The following CCSER1 variants were observed in gnomAD, a reference collection of about 807,000 sequenced individuals.
CCSER1 encodes the protein coiled-coil serine rich protein 1, also known as serine-rich coiled-coil domain-containing protein 1.
A neutral mutation model predicts 82.0 loss-of-function variants in CCSER1; 41 were observed. That is an observed-to-expected ratio of 0.50 (90% CI 0.39 to 0.65). CCSER1 has a LOEUF of 0.65. CCSER1 is among the 30% of genes least tolerant of loss of function. The pLI, the probability that CCSER1 is intolerant of heterozygous loss-of-function variation, is 0.00. For synonymous variants in CCSER1, 414 were observed against 383.9 expected, an observed-to-expected ratio of 1.08 and a Z score of -0.92; for missense variants, 1,119 against 1,064.2, an observed-to-expected ratio of 1.05 and a Z score of -0.72.
chr4:90,893,792 T>TGTGGG (rs34693713), intron 8 of CCSER1, among the ~76,000 whole-genome samples: 22 of 145,330 alleles, frequency 1.5e-4, no homozygotes, highest in Admixed American at 2.7e-4. Flanking sequence ...TGTGTGTGTG[T>TGTGGG]GGGGGGTGAA....
intron 7 of CCSER1, among the ~76,000 whole-genome samples, chr4:90,747,926 G>C (rs1747793649): frequency 6.6e-6 from 1 of 151,200 alleles, no homozygotes; most frequent in Admixed American, 6.6e-5. Context: ...TCTTGCAGTA[G>C]TTTACTGAGA....
chr4:91,297,708 G>A (rs912602498), intron 10 of CCSER1, among the ~76,000 whole-genome samples: 1 of 151,896 alleles, frequency 6.6e-6, no homozygotes, highest in East Asian at 2.0e-4. Context: ...GAAAACTTTT[G>A]ATCATGTGGT....
intron 9 of CCSER1, among the ~76,000 whole-genome samples, chr4:91,031,046 A>G (rs2150554582): frequency 6.6e-6 from 1 of 152,318 alleles, no homozygotes; most frequent in African/African-American, 2.4e-5. Context: ...GAAAATGAGA[A>G]GCAAAAGCAT....
chr4:91,512,799 TG>T (rs1425927777), intron 10 of CCSER1, among the ~76,000 whole-genome samples: 7 of 152,220 alleles, frequency 4.6e-5, no homozygotes, highest in Non-Finnish European at 8.8e-5. Context: ...TACCTATTTT[TG>T]TACATTGATT....
chr4:90,761,853 C>T (rs770460435), intron 7 of CCSER1, among the ~76,000 whole-genome samples: 1 of 151,618 alleles, frequency 6.6e-6, no homozygotes, highest in African/African-American at 2.4e-5. Flanking sequence ...TGCAAATGGC[C>T]AAAGTGAGAA....
chr4:90,966,406 T>A (rs978580611), intron 9 of CCSER1, among the ~76,000 whole-genome samples: 1 of 152,062 alleles, frequency 6.6e-6, no homozygotes, highest in African/African-American at 2.4e-5. Flanking sequence ...TGACTTCTTA[T>A]CAAAAGCAGG....
intron 1 of CCSER1, among the ~76,000 whole-genome samples, chr4:90,305,461 TGTAA>T (rs1221033014): frequency 1.3e-5 from 2 of 152,164 alleles, no homozygotes; most frequent in East Asian, 3.9e-4. Context: ...ATATCGTGGC[TGTAA>T]GTGATGTTAG....
intron 9 of CCSER1, among the ~76,000 whole-genome samples, chr4:90,968,470 G>C (rs994044944): frequency 2.6e-5 from 4 of 151,988 alleles, no homozygotes; most frequent in African/African-American, 7.3e-5. Flanking sequence ...TGCTGGACTG[G>C]GAGAAAGCAC....
intron 10 of CCSER1, among the ~76,000 whole-genome samples, chr4:91,160,189 T>A (rs1271023276): frequency 6.6e-6 from 1 of 152,168 alleles, no homozygotes; most frequent in Non-Finnish European, 1.5e-5. Context: ...AATGATGGTT[T>A]CCAGCTTCAT....
At chr4:90,736,512 T>G (rs1745670439) in intron 7 of CCSER1, among the ~76,000 whole-genome samples, 1 of 152,226 alleles carries the variant, frequency 6.6e-6, no homozygotes, top group East Asian at 1.9e-4. Context: ...TTTTCTGATA[T>G]AAGTATAGCT....
At chr4:90,974,108 A>G (rs558897350) in intron 9 of CCSER1, among the ~76,000 whole-genome samples, 10 of 151,692 alleles carry the variant, frequency 6.6e-5, no homozygotes, top group Admixed American at 1.3e-4. Flanking sequence ...AGCTTTAGTT[A>G]TGCAGGATAA....
chr4:91,293,579 G>C (rs1337665492), intron 10 of CCSER1, among the ~76,000 whole-genome samples: 3 of 151,880 alleles, frequency 2.0e-5, no homozygotes, highest in African/African-American at 7.2e-5. Context: ...GAACATTGAG[G>C]TTATTCTATA....
chr4:90,547,803 T>C (rs551958664), intron 5 of CCSER1, among the ~76,000 whole-genome samples: 3 of 152,306 alleles, frequency 2.0e-5, no homozygotes, highest in East Asian at 1.9e-4. Flanking sequence ...AATTTTTTTG[T>C]ACCTTTACAA....
Position 90,269,057 on chromosome 4 carries a change from T to C in CCSER1, c.-41-39187T>C, listed in dbSNP as rs537396797. On this transcript the variant is annotated intron_variant, in intron 1 of 10. Coordinates refer to ENST00000509176, the MANE Select transcript of CCSER1 (RefSeq NM_001145065.2). Reference sequence around the variant, plus strand: ...GTACCCAGATATGTAAGGCAGATGTTAGAGCTAAAGAGAGAGGTAGATCAA... The same window carrying C: ...GTACCCAGATATGTAAGGCAGATGTCAGAGCTAAAGAGAGAGGTAGATCAA... Among the ~76,000 whole-genome samples, 5 of 152,234 alleles carry C rather than the reference T, an allele frequency of 3.3e-5. No homozygotes were observed. In the South Asian group the frequency reaches 8.3e-4, roughly 25 times the overall value.
chr4:90,815,123 G>C (rs1002077951), intron 7 of CCSER1, among the ~76,000 whole-genome samples: 2 of 152,122 alleles, frequency 1.3e-5, no homozygotes, highest in African/African-American at 4.8e-5. Flanking sequence ...CAATCATGGT[G>C]GAAGGCTAAT....
At chr4:91,313,300 G>A (rs1745619009) in intron 10 of CCSER1, among the ~76,000 whole-genome samples, 1 of 151,712 alleles carries the variant, frequency 6.6e-6, no homozygotes, top group Non-Finnish European at 1.5e-5. Context: ...TTTTTGATGT[G>A]TTAAATACTT....
chr4:91,076,184 T>A (rs1417387378), intron 9 of CCSER1, among the ~76,000 whole-genome samples: 1 of 152,152 alleles, frequency 6.6e-6, no homozygotes, highest in Non-Finnish European at 1.5e-5. Flanking sequence ...ATTCTTGTCA[T>A]CAGATATACT....
chr4:91,525,908 A>G (rs1443538536), intron 10 of CCSER1, among the ~76,000 whole-genome samples: 3 of 152,162 alleles, frequency 2.0e-5, no homozygotes, highest in Non-Finnish European at 2.9e-5. Context: ...TCAGGCCACA[A>G]GGGGAAGTGG....
chr4:90,630,617 G>A (rs921648828), intron 6 of CCSER1, among the ~76,000 whole-genome samples: 2 of 151,892 alleles, frequency 1.3e-5, no homozygotes, highest in Non-Finnish European at 2.9e-5. Flanking sequence ...ACAGGGAAAA[G>A]CAATAGTATT....
Sources: gnomAD v4.1 joint callset for allele counts (sites outside exome capture counted in the v4.1 genomes callset) on GRCh38, gnomAD v4.1.1 for gene constraint, MANE v1.5 for transcripts, NCBI Gene and HGNC (gene_info 2026-07-23, HGNC 2026-07-21) for gene names.